PARVA: variants seen among roughly 807,000 people sequenced by gnomAD.
The protein encoded by PARVA is parvin alpha, also known as alpha-parvin.
A neutral mutation model predicts 52.6 loss-of-function variants in PARVA; 25 were observed. The ratio of observed to expected loss-of-function variants is 0.48; its 90% confidence interval spans 0.35 to 0.66. The LOEUF (loss-of-function observed/expected upper bound fraction) is 0.66. PARVA is among the 30% of genes least tolerant of loss of function. The pLI is 0.01. For synonymous variants in PARVA, 185 were observed against 179.1 expected (o/e 1.03, Z -0.26); for missense variants, 373 against 450.9 (o/e 0.83, Z 1.56).
chr11:12,488,684 T>C (rs1941193442), intron 4 of PARVA, among the ~76,000 whole-genome samples: 2 of 152,138 alleles, frequency 1.3e-5, no homozygotes, highest in Non-Finnish European at 2.9e-5. Flanking sequence ...ACAGAACAAT[T>C]AAAAAGAAGT....
chr11:12,466,327 G>A (rs1452832925), intron 1 of PARVA, among the ~76,000 whole-genome samples: 1 of 140,378 alleles, frequency 7.1e-6, no homozygotes, highest in Non-Finnish European at 1.5e-5. Flanking sequence ...TTTTTTTTGA[G>A]ACGGAGTCTT....
At chr11:12,449,125 CATTTATTTATTT>C (rs560178447) in intron 1 of PARVA, among the ~76,000 whole-genome samples, 3 of 151,514 alleles carry the variant, frequency 2.0e-5, no homozygotes, top group East Asian at 3.9e-4. Context: ...CCAAAAGGGG[CATTTATTTATTT>C]ATTTATTTAT....
intron 1 of PARVA, among the ~76,000 whole-genome samples, chr11:12,404,023 T>A (rs1034924230): frequency 3.3e-5 from 5 of 152,124 alleles, no homozygotes; most frequent in Admixed American, 6.5e-5. Context: ...ATATTTCCAA[T>A]TTATTCTAGG....
chr11:12,418,578 A>G (rs1459849631), intron 1 of PARVA, among the ~76,000 whole-genome samples: 1 of 152,112 alleles, frequency 6.6e-6, no homozygotes, highest in Non-Finnish European at 1.5e-5. Context: ...CACCCAGTTC[A>G]TGGTCTGGGC....
intron 1 of PARVA, among the ~76,000 whole-genome samples, chr11:12,419,712 C>T (rs1478014470): frequency 6.6e-6 from 1 of 152,166 alleles, no homozygotes; most frequent in Non-Finnish European, 1.5e-5. Context: ...ACAGTAGCTG[C>T]ACCATTTTAC....
At chr11:12,474,932 C>A (rs527816024) in intron 3 of PARVA, among the ~76,000 whole-genome samples, 1 of 150,610 alleles carries the variant, frequency 6.6e-6, no homozygotes, top group Non-Finnish European at 1.5e-5. Flanking sequence ...CGCCACTGCA[C>A]TCCAGCCTGA....
chr11:12,517,631 G>C lies in PARVA; in HGVS notation c.889G>C (p.Val297Leu). 1 of 1,601,222 alleles carries C rather than the reference G, an allele frequency of 6.2e-7. No individual in the cohort carries two copies. The highest frequency in any genetic ancestry group is 8.5e-7 in the Non-Finnish European group (1 of 1,173,642). The change falls in exon 11 of 13, where the codon GTG becomes CTG. Residue 297 changes from valine (V) to leucine (L), a missense_variant. Coordinates refer to ENST00000334956, the MANE Select transcript of PARVA (RefSeq NM_018222.5). ...ETQFADGVYL[V>L]LLMGLLEGYF... ...CCAGTTTGCAGATGGGGTGTACCTG[G>C]TGCTGCTCATGGGGCTCCTGGAGGG...
At chr11:12,470,100 G>A (rs79377693) in intron 1 of PARVA, among the ~76,000 whole-genome samples, 10,806 of 152,264 alleles carry the variant, frequency 0.071, 1,302 homozygotes, top group African/African-American at 0.24. Context: ...GCACATGTGC[G>A]CACACACAGT....
chr11:12,464,342 T>C (rs1940826295), intron 1 of PARVA, among the ~76,000 whole-genome samples: 1 of 152,186 alleles, frequency 6.6e-6, no homozygotes, highest in African/African-American at 2.4e-5. Context: ...CTTTCTCCCC[T>C]TGTTTATCTA....
intron 3 of PARVA, among the ~76,000 whole-genome samples, chr11:12,475,552 G>A (rs1342105356): frequency 6.6e-6 from 1 of 152,172 alleles, no homozygotes; most frequent in Non-Finnish European, 1.5e-5. Flanking sequence ...AAGGGTGGGT[G>A]GATGAATGGG....
chr11:12,456,502 A>C (rs969111431), intron 1 of PARVA, among the ~76,000 whole-genome samples: 1 of 151,842 alleles, frequency 6.6e-6, no homozygotes, highest in Admixed American at 6.6e-5. Context: ...AGACTTGCAA[A>C]ACTCTGCTTG....
intron 1 of PARVA, among the ~76,000 whole-genome samples, chr11:12,400,467 A>T (rs1939810615): frequency 6.6e-6 from 1 of 152,228 alleles, no homozygotes; most frequent in African/African-American, 2.4e-5. Flanking sequence ...GACATACCTT[A>T]TCTCCACTGT....
chr11:12,504,467 A>G, intron 6 of PARVA, 38 bp downstream of exon 6: 1 of 1,314,334 alleles, frequency 7.6e-7, no homozygotes, highest in Non-Finnish European at 1.1e-6. Flanking sequence ...GTGTCTTTAA[A>G]GAGTCGTGGA....
intron 4 of PARVA, among the ~76,000 whole-genome samples, chr11:12,487,632 C>T (rs959074833): frequency 2.6e-5 from 4 of 152,132 alleles, no homozygotes; most frequent in African/African-American, 9.7e-5. Flanking sequence ...AGATCCTCCT[C>T]CTATAATCTG....
chr11:12,527,441 A>G lies in PARVA; in HGVS notation c.1043-408A>G, dbSNP rs553709873. ...AACCTGTCTGTCCCCCATGACGCCT[A>G]TTTCCTGAGTACTCCTTGCAAGTCC... On this transcript the variant is annotated intron_variant, in intron 12 of 12. Transcript: ENST00000334956. Among the ~76,000 whole-genome samples the G allele has an allele frequency of 5.9e-5, 9 of 152,194 alleles. 1 individual carries two copies. The South Asian group carries it at 1.9e-3, about 32-fold the overall frequency.
At chr11:12,439,017 C>G (rs977386342) in intron 1 of PARVA, among the ~76,000 whole-genome samples, 1 of 152,090 alleles carries the variant, frequency 6.6e-6, no homozygotes, top group Non-Finnish European at 1.5e-5. Context: ...CCTGGGATGG[C>G]TCATGTCTTC....
At position 12,530,530 on chromosome 11, in the gene PARVA, C is replaced by T. The variant is rs1941760194; in HGVS notation, c.*2605C>T. On this transcript the variant is annotated 3_prime_UTR_variant, in exon 13 of 13. Coordinates refer to ENST00000334956, the MANE Select transcript of PARVA (RefSeq NM_018222.5). ...AAATTTAAAAAGCGCAAATAGGTAT[C>T]TAGTGGAAAACCTAAGCCTCCCTCT... 2 of 152,122 alleles carry T rather than the reference C, an allele frequency of 1.3e-5. No homozygotes were observed. The highest frequency in any genetic ancestry group is 2.9e-5 in the Non-Finnish European group (2 of 68,036). The allele number at this position is 152,122 out of a possible 1,614,324, so 9.4% of individuals were successfully genotyped here.
At chr11:12,510,250 A>G (rs1185523796) in intron 7 of PARVA, among the ~76,000 whole-genome samples, 1 of 152,188 alleles carries the variant, frequency 6.6e-6, no homozygotes, top group Non-Finnish European at 1.5e-5. Context: ...TATTCTTTCC[A>G]GTGCACTACT....
rs752680450 is a variant in PARVA at position 12,447,105 on chromosome 11, C to T, written c.137-26640C>T. Among the ~76,000 whole-genome samples the T allele has an allele frequency of 5.3e-5, 8 of 152,158 alleles. 1 individual carries two copies. The highest frequency in any genetic ancestry group is 4.4e-5 in the Non-Finnish European group (3 of 68,038). Reference sequence around the variant, plus strand: ...GTTCCATCTATGTGTTACTCAAACCCTGTAATGTAGCAGTTTATACTTGAC... The same window carrying T: ...GTTCCATCTATGTGTTACTCAAACCTTGTAATGTAGCAGTTTATACTTGAC... On this transcript the variant is annotated intron_variant, in intron 1 of 12. Coordinates refer to ENST00000334956, the MANE Select transcript of PARVA (RefSeq NM_018222.5).
Sources: gnomAD v4.1 joint callset for allele counts (sites outside exome capture counted in the v4.1 genomes callset) on GRCh38, gnomAD v4.1.1 for gene constraint, MANE v1.5 for transcripts, NCBI Gene and HGNC (gene_info 2026-07-23, HGNC 2026-07-21) for gene names.